The following FAF2 variants were observed in gnomAD, a reference collection of about 807,000 sequenced individuals.
FAF2 encodes the protein FAS-associated factor 2.
A neutral mutation model predicts 62.3 loss-of-function variants in FAF2; 9 were observed. The ratio of observed to expected loss-of-function variants is 0.14; its 90% CI spans 0.09 to 0.25. The LOEUF (loss-of-function observed/expected upper bound fraction) is 0.25. FAF2 is among the 10% of genes least tolerant of loss of function. FAF2 has a pLI of 1.00. For synonymous variants in FAF2, 202 were observed against 198.0 expected, an observed-to-expected ratio of 1.02 and a Z score of -0.17; for missense variants, 368 against 556.2, an observed-to-expected ratio of 0.66 and a Z score of 3.40.
intron 2 of FAF2, among the ~76,000 whole-genome samples, chr5:176,482,895 TTTG>T (rs139025062): frequency 1.3e-3 from 193 of 151,544 alleles, no homozygotes; most frequent in Non-Finnish European, 2.4e-3. Context: ...GGTTTGTGGT[TTTG>T]TTGTTGTTGT....
chr5:176,466,563 C>A (rs946416143), intron 1 of FAF2, among the ~76,000 whole-genome samples: 1 of 152,220 alleles, frequency 6.6e-6, no homozygotes, highest in Admixed American at 6.5e-5. Context: ...ATCCAAATAG[C>A]TGTTTGAGCC....
intron 1 of FAF2, among the ~76,000 whole-genome samples, chr5:176,458,645 C>A (rs755397093): frequency 6.6e-5 from 10 of 151,992 alleles, no homozygotes; most frequent in Non-Finnish European, 1.0e-4. Flanking sequence ...ACCTCGTGAT[C>A]TGCCCACCTC....
In FAF2 at chr5:176,481,547, C is replaced by T. The variant is rs574261754; in HGVS notation, c.132+2291C>T. On this transcript the variant is annotated intron_variant, in intron 2 of 10. Transcript: ENST00000261942. ...TGGTGGGCGCCTGTAGTCCCAGCTA[C>T]TCGGGAGGCTGAGGCAGGAGAATGA... Among the ~76,000 whole-genome samples the T allele has an allele frequency of 2.0e-5, 3 of 152,066 alleles. No individual in the cohort carries two copies. The South Asian group carries it at 6.2e-4, about 32-fold the overall frequency.
Position 176,494,874 on chromosome 5 carries a change from G to A in FAF2, c.661+599G>A, listed in dbSNP as rs1406618403. ...AATTAGCAAGTTGTAGCGTACAGTC[G>A]GGTCTGCCAGATTCTAAAGCCCGTT... On this transcript the variant is annotated intron_variant, in intron 7 of 10. Transcript: ENST00000261942. The surrounding 1 kb of genome is among the most constrained non-coding windows in gnomAD (Gnocchi z 4.0). Among the ~76,000 whole-genome samples, 1 of 152,066 alleles carries A rather than the reference G, an allele frequency of 6.6e-6. No homozygotes were observed. The highest frequency in any genetic ancestry group is 1.5e-5 in the Non-Finnish European group (1 of 68,010).
Position 176,507,219 on chromosome 5 carries a change from C to T in FAF2, c.*269C>T, listed in dbSNP as rs1164452375. 6.8e-6 allele frequency: 3 copies of T among 443,302 alleles called. No homozygotes were observed. Among genetic ancestry groups the T allele is most frequent in the East Asian group, 7.0e-5 (1 of 14,372 alleles). 27.5% of individuals were successfully genotyped at this position (443,302 alleles called of 1,614,324 possible). On this transcript the variant is annotated 3_prime_UTR_variant, in exon 11 of 11. Transcript: ENST00000261942. ...CCACCCTTCCTGTGGCCTCTGTGCACGCACCTTCCAGTGAACAGAGACTCT... is the reference window on the plus strand; with the variant it reads ...CCACCCTTCCTGTGGCCTCTGTGCATGCACCTTCCAGTGAACAGAGACTCT...
In FAF2 at chr5:176,506,971, C is replaced by T. The variant is rs1412436193; in HGVS notation, c.*21C>T. ...AATGACATTTTTTTCTTCCTGTCCC[C>T]TCCTACCCCAGTCCCTAAAAGAAAT... On this transcript the variant is annotated 3_prime_UTR_variant, in exon 11 of 11. Coordinates refer to ENST00000261942, the MANE Select transcript of FAF2 (RefSeq NM_014613.3). 2 of 1,433,914 alleles carry T rather than the reference C, an allele frequency of 1.4e-6. No homozygotes were observed. Among genetic ancestry groups the T allele is most frequent in the Non-Finnish European group, 1.8e-6 (2 of 1,081,396 alleles). 88.8% of individuals were successfully genotyped at this position (1,433,914 alleles called of 1,614,324 possible).
At chr5:176,477,189 A>T (rs1348481106) in intron 1 of FAF2, among the ~76,000 whole-genome samples, 1 of 46,652 alleles carries the variant, frequency 2.1e-5, no homozygotes, top group Non-Finnish European at 4.2e-5. Flanking sequence ...TCATGATCTG[A>T]CCGCCTCGGC....
intron 1 of FAF2, among the ~76,000 whole-genome samples, chr5:176,455,662 T>C (rs1758267009): frequency 6.6e-6 from 1 of 151,464 alleles, no homozygotes; most frequent in African/African-American, 2.4e-5. Flanking sequence ...GGCAGGAGAA[T>C]TGCTTGAACC....
chr5:176,506,706 CGTGTGTGT>C (rs760990895), intron 10 of FAF2, 54 bp from the exon 11 acceptor site: 23 of 565,144 alleles, frequency 4.1e-5, no homozygotes, highest in African/African-American at 2.8e-4. Flanking sequence ...TGCGTGTGTG[CGTGTGTGT>C]GTGTGTATTT....
rs574359478 is a variant in FAF2, at chr5:176,501,050, C to G, written c.1155+904C>G. On this transcript the variant is annotated intron_variant, in intron 10 of 10. Coordinates refer to ENST00000261942, the MANE Select transcript of FAF2 (RefSeq NM_014613.3). The stretch of plus-strand genomic sequence containing the variant: ...GCTGAGGCAGGAGAATCACTTGAAC[C>G]CGGGAGACGGAGGTAGCAGTGAGCC... Among the ~76,000 whole-genome samples, 7 of 152,110 alleles carry G rather than the reference C, an allele frequency of 4.6e-5. No homozygotes were observed. The South Asian group carries it at 1.0e-3, about 23-fold the overall frequency.
At chr5:176,452,686 G>A (rs771252719) in intron 1 of FAF2, among the ~76,000 whole-genome samples, 6 of 152,232 alleles carry the variant, frequency 3.9e-5, no homozygotes, top group Non-Finnish European at 8.8e-5. Flanking sequence ...TGTCTGTGGT[G>A]ATGAACTGAA....
At chr5:176,458,869 T>C (rs751359817) in intron 1 of FAF2, among the ~76,000 whole-genome samples, 2 of 152,192 alleles carry the variant, frequency 1.3e-5, no homozygotes, top group Non-Finnish European at 2.9e-5. Flanking sequence ...TTATTCCTTC[T>C]CATGCCTCCC....
rs751775026 is a variant in FAF2, at chr5:176,458,408, C to CTTTTTTTTTTTTT, written c.63+9945_63+9957dup. 4.7e-4 allele frequency among the ~76,000 whole-genome samples: 41 copies of CTTTTTTTTTTTTT among 86,388 alleles called. 2 individuals are homozygous for CTTTTTTTTTTTTT. The highest frequency in any genetic ancestry group is 5.4e-4 in the Admixed American group (3 of 5,516). 56.7% of individuals were successfully genotyped at this position (86,388 alleles called of 152,430 possible). On this transcript the variant is annotated intron_variant, in intron 1 of 10. Coordinates refer to ENST00000261942, the MANE Select transcript of FAF2 (RefSeq NM_014613.3). ...CAGAATAATATTTTTCTTTTTCTTC[C>CTTTTTTTTTTTTT]TTTTTTTTTTTTTTTTTTTGAGACG...
At chr5:176,498,774 C>T in intron 8 of FAF2, 140 bp from the exon 9 acceptor site, 3 of 741,412 alleles carry the variant, frequency 4.0e-6, no homozygotes, top group Middle Eastern at 2.9e-4. Context: ...TTTGGAATCC[C>T]TTATGGCAGT....
intron 1 of FAF2, among the ~76,000 whole-genome samples, chr5:176,476,103 T>C (rs908125252): frequency 1.3e-5 from 2 of 151,240 alleles, no homozygotes; most frequent in African/African-American, 4.9e-5. Flanking sequence ...CCAAGAAAAA[T>C]AGAAAAATTA....
chr5:176,506,974 C>T lies in FAF2; in HGVS notation c.*24C>T. The stretch of plus-strand genomic sequence containing the variant: ...GACATTTTTTTCTTCCTGTCCCCTC[C>T]TACCCCAGTCCCTAAAAGAAATGGG... On this transcript the variant is annotated 3_prime_UTR_variant, in exon 11 of 11. Coordinates refer to ENST00000261942, the MANE Select transcript of FAF2 (RefSeq NM_014613.3). 2.8e-6 allele frequency: 4 copies of T among 1,421,202 alleles called. No individual in the cohort carries two copies. Among genetic ancestry groups the T allele is most frequent in the Non-Finnish European group, 3.7e-6 (4 of 1,075,138 alleles). 88.0% of individuals were successfully genotyped at this position (1,421,202 alleles called of 1,614,324 possible). A position where few individuals can be genotyped will look rare whatever the true frequency, so the allele number is the denominator to read the frequency against.
At chr5:176,474,414 T>TC (rs1383515022) in intron 1 of FAF2, among the ~76,000 whole-genome samples, 1 of 152,158 alleles carries the variant, frequency 6.6e-6, no homozygotes, top group Non-Finnish European at 1.5e-5. Flanking sequence ...TTGCCTTTAG[T>TC]CTTATAGACT....
At chr5:176,491,018 C>T (rs577174316) in intron 4 of FAF2, among the ~76,000 whole-genome samples, 11 of 152,228 alleles carry the variant, frequency 7.2e-5, no homozygotes, top group African/African-American at 2.2e-4. Flanking sequence ...TTTGATTACT[C>T]GGGAGAAATT....
chr5:176,491,591 A>C (rs569185353), intron 4 of FAF2, among the ~76,000 whole-genome samples: 1 of 152,196 alleles, frequency 6.6e-6, no homozygotes, highest in Non-Finnish European at 1.5e-5. Flanking sequence ...AGAAAGGAGA[A>C]GGAGGGGCAA....
Sources: gnomAD v4.1 joint callset for allele counts (sites outside exome capture counted in the v4.1 genomes callset) on GRCh38, gnomAD v4.1.1 for gene constraint, Gnocchi (gnomAD v3.1) non-coding constraint, MANE v1.5 for transcripts, NCBI Gene and HGNC (gene_info 2026-07-23, HGNC 2026-07-21) for gene names.